Variants in BLTP3A observed in about 807,000 individuals in gnomAD.
BLTP3A encodes ICBP90 binding protein 1.
At chr6:34,816,819 G>A in the BLTP3A span, among the ~76,000 whole-genome samples, 98 of 152,236 alleles carry the variant, frequency 6.4e-4, no homozygotes, top group African/African-American at 2.3e-3. Context: ...GAGACATGTA[G>A]TTGCAGTCTT....
chr6:34,809,565 G>T, the BLTP3A span, among the ~76,000 whole-genome samples: 11 of 151,908 alleles, frequency 7.2e-5, 1 homozygote, highest in East Asian at 2.1e-3. Flanking sequence ...TTTTTTGTTC[G>T]TTTGTTTGTT....
the BLTP3A span, among the ~76,000 whole-genome samples, chr6:34,830,474 C>A: frequency 6.6e-6 from 1 of 152,050 alleles, no homozygotes; most frequent in African/African-American, 2.4e-5. Flanking sequence ...CCTGTAATCC[C>A]AGCTATTCCA....
the BLTP3A span, among the ~76,000 whole-genome samples, chr6:34,842,834 T>TG: frequency 6.6e-6 from 1 of 152,128 alleles, no homozygotes; most frequent in African/African-American, 2.4e-5. Flanking sequence ...CTCAATCAGT[T>TG]GCTCCATCTC....
At chr6:34,835,247 G>T in the BLTP3A span, 1 of 1,580,238 alleles carries the variant, frequency 6.3e-7, no homozygotes, top group South Asian at 1.2e-5. Flanking sequence ...TTTGAAAGTT[G>T]GAATGATACG....
At chr6:34,818,741 G>A in the BLTP3A span, among the ~76,000 whole-genome samples, 1 of 152,106 alleles carries the variant, frequency 6.6e-6, no homozygotes, top group Non-Finnish European at 1.5e-5. Flanking sequence ...GCATTCCTGT[G>A]TATCCCTTAA....
chr6:34,817,271 C>A, the BLTP3A span, among the ~76,000 whole-genome samples: 1 of 152,184 alleles, frequency 6.6e-6, no homozygotes, highest in Non-Finnish European at 1.5e-5. Context: ...GAGAAATAAT[C>A]ACCTTCCCTC....
the BLTP3A span, among the ~76,000 whole-genome samples, chr6:34,810,931 T>G: frequency 6.6e-6 from 1 of 152,238 alleles, no homozygotes; most frequent in African/African-American, 2.4e-5. Context: ...TAGACTAGTA[T>G]CTACATATAT....
chr6:34,839,630 A>C, the BLTP3A span, among the ~76,000 whole-genome samples: 1 of 152,164 alleles, frequency 6.6e-6, no homozygotes, highest in Non-Finnish European at 1.5e-5. Flanking sequence ...AGCCGAAAGA[A>C]CACTCGGTCG....
the BLTP3A span, among the ~76,000 whole-genome samples, chr6:34,846,903 G>A: frequency 6.6e-6 from 1 of 152,144 alleles, no homozygotes; most frequent in South Asian, 2.1e-4. Flanking sequence ...GTACAGGTCT[G>A]TTGTATATAC....
At chr6:34,847,912 C>CTTTTTTTCCTTTTTTT in the BLTP3A span, among the ~76,000 whole-genome samples, 1 of 102,238 alleles carries the variant, frequency 9.8e-6, no homozygotes, top group Non-Finnish European at 1.9e-5. Flanking sequence ...TTCTACTTTT[C>CTTTTTTTCCTTTTTTT]TTTTTTTCCT....
At chr6:34,823,462 G>A in the BLTP3A span, 5 of 781,188 alleles carry the variant, frequency 6.4e-6, no homozygotes, top group Admixed American at 2.4e-5. Flanking sequence ...CTAAAGTAAA[G>A]AAAATGGTAT....
chr6:34,803,788 A>G, the BLTP3A span, among the ~76,000 whole-genome samples: 1 of 152,024 alleles, frequency 6.6e-6, no homozygotes, highest in Admixed American at 6.6e-5. Context: ...GAGTTCTAAT[A>G]TGTAGAAAAT....
At chr6:34,809,399 A>T in the BLTP3A span, among the ~76,000 whole-genome samples, 1 of 152,176 alleles carries the variant, frequency 6.6e-6, no homozygotes, top group Admixed American at 6.5e-5. Flanking sequence ...TCTCAAAAAC[A>T]AAAACTTCAG....
chr6:34,854,091 G>A, the BLTP3A span, among the ~76,000 whole-genome samples: 16 of 151,980 alleles, frequency 1.1e-4, no homozygotes, highest in Non-Finnish European at 2.2e-4. Context: ...ACATGGTGGC[G>A]CATGCCTGTA....
At chr6:34,863,774 C>T in the BLTP3A span, among the ~76,000 whole-genome samples, 1 of 152,182 alleles carries the variant, frequency 6.6e-6, no homozygotes, top group East Asian at 1.9e-4. Flanking sequence ...TATGAGAGCG[C>T]TGTCCATGCA....
chr6:34,821,341 G>A, the BLTP3A span: 6 of 212,506 alleles, frequency 2.8e-5, no homozygotes, highest in East Asian at 4.5e-4. Context: ...AATCCTCATC[G>A]TAGGTTCTTT....
chr6:34,820,021 G>GT, the BLTP3A span, among the ~76,000 whole-genome samples: 4 of 152,120 alleles, frequency 2.6e-5, no homozygotes, highest in African/African-American at 9.7e-5. Context: ...CAGGTGACTG[G>GT]TTGTTCTTTT....
At chr6:34,816,671 G>T in the BLTP3A span, among the ~76,000 whole-genome samples, 3 of 152,118 alleles carry the variant, frequency 2.0e-5, no homozygotes, top group African/African-American at 7.2e-5. Flanking sequence ...TATCTTAGTG[G>T]TTCTCAGCCT....
the BLTP3A span, among the ~76,000 whole-genome samples, chr6:34,796,904 C>T: frequency 6.6e-6 from 1 of 152,174 alleles, no homozygotes; most frequent in Non-Finnish European, 1.5e-5. Context: ...GGGGTTTCAT[C>T]ATGTTGGCCA....
Sources: gnomAD v4.1 joint callset for allele counts (sites outside exome capture counted in the v4.1 genomes callset) on GRCh38, gnomAD v4.1.1 for gene constraint, MANE v1.5 for transcripts, NCBI Gene and HGNC (gene_info 2026-07-23, HGNC 2026-07-21) for gene names.